The following HECW1 variants were observed in gnomAD, a reference collection of about 807,000 sequenced individuals.
The protein encoded by HECW1 is E3 ubiquitin-protein ligase HECW1.
In HECW1, 61 loss-of-function variants were observed where a neutral mutation model predicts 182.3. That is an observed-to-expected ratio of 0.33 (90% CI 0.27 to 0.41). The LOEUF is 0.41. Ranked by LOEUF, HECW1 falls within the 10% of genes least tolerant of loss-of-function variation. The pLI is 1.00. For synonymous variants in HECW1, 859 were observed against 832.6 expected (o/e 1.03, Z -0.55); for missense variants, 1,739 against 2,108.9 (o/e 0.82, Z 3.44).
At position 43,565,244 on chromosome 7, in the gene HECW1, G is replaced by A. The variant is rs767451694; in HGVS notation, c.*3318G>A. Reference sequence around the variant, plus strand: ...AATGAGTGGAGGTTGTGAAGATGCCGAGAGAGTGGTGAAAAAATTAAGAAA... The same window carrying A: ...AATGAGTGGAGGTTGTGAAGATGCCAAGAGAGTGGTGAAAAAATTAAGAAA... On this transcript the variant is annotated 3_prime_UTR_variant, in exon 30 of 30. Coordinates refer to ENST00000395891, the MANE Select transcript of HECW1 (RefSeq NM_015052.5). 7 of 203,320 alleles carry A rather than the reference G, an allele frequency of 3.4e-5. No individual in the cohort carries two copies. Among genetic ancestry groups the A allele is most frequent in the Non-Finnish European group, 7.1e-5 (7 of 99,094 alleles). 12.6% of individuals were successfully genotyped at this position (203,320 alleles called of 1,614,324 possible). A position where few individuals can be genotyped will look rare whatever the true frequency, so the allele number is the denominator to read the frequency against.
chr7:43,116,955 T>C (rs556167917), intron 2 of HECW1, among the ~76,000 whole-genome samples: 1 of 152,352 alleles, frequency 6.6e-6, no homozygotes, highest in East Asian at 1.9e-4. Flanking sequence ...AATAATTTAA[T>C]TTGGCAATAT....
intron 4 of HECW1, among the ~76,000 whole-genome samples, chr7:43,314,937 GTCACACA>G (rs1449732504): frequency 1.6e-4 from 24 of 152,308 alleles, no homozygotes; most frequent in African/African-American, 4.6e-4. Flanking sequence ...GGCTCCCACA[GTCACACA>G]GCTGCCTCCC....
chr7:43,212,688 A>C (rs1470839994), intron 2 of HECW1, among the ~76,000 whole-genome samples: 2 of 152,186 alleles, frequency 1.3e-5, no homozygotes, highest in African/African-American at 2.4e-5. Context: ...AAAATGGATA[A>C]ATATATTAGA....
At chr7:43,454,855 T>A (rs2077348751) in intron 12 of HECW1, among the ~76,000 whole-genome samples, 1 of 152,244 alleles carries the variant, frequency 6.6e-6, no homozygotes, top group East Asian at 1.9e-4. Context: ...AAAGGCTGGA[T>A]GGTTTTCCTC....
chr7:43,174,362 C>A (rs1792000722), intron 2 of HECW1, among the ~76,000 whole-genome samples: 1 of 152,180 alleles, frequency 6.6e-6, no homozygotes, highest in African/African-American at 2.4e-5. Context: ...TCAGAGCCAA[C>A]CAGCCAACTT....
At chr7:43,423,703 G>C (rs1365158563) in intron 8 of HECW1, among the ~76,000 whole-genome samples, 1 of 152,152 alleles carries the variant, frequency 6.6e-6, no homozygotes, top group Non-Finnish European at 1.5e-5. Context: ...CATGTGAGCT[G>C]ACAGCTCATG....
chr7:43,118,950 A>G (rs1043667216), intron 2 of HECW1: 1 of 152,226 alleles, frequency 6.6e-6, no homozygotes, highest in Admixed American at 6.5e-5. Flanking sequence ...TTTAAAGAAT[A>G]TGCTTCAAAA....
intron 3 of HECW1, among the ~76,000 whole-genome samples, chr7:43,282,100 G>T (rs1803994490): frequency 6.6e-6 from 1 of 152,216 alleles, no homozygotes; most frequent in Non-Finnish European, 1.5e-5. Flanking sequence ...CTGCTAGATT[G>T]AAGGACATGT....
At chr7:43,213,962 C>T (rs1315682896) in intron 2 of HECW1, among the ~76,000 whole-genome samples, 1 of 151,950 alleles carries the variant, frequency 6.6e-6, no homozygotes, top group African/African-American at 2.4e-5. Context: ...GGAAATTAAA[C>T]ATTTCATCAG....
At chr7:43,159,049 G>A (rs576647345) in intron 2 of HECW1, among the ~76,000 whole-genome samples, 13 of 152,272 alleles carry the variant, frequency 8.5e-5, no homozygotes, top group South Asian at 4.1e-4. Context: ...CTGGTCTAGG[G>A]ACCACAGCCT....
chr7:43,364,329 G>A (rs542703442), intron 6 of HECW1, among the ~76,000 whole-genome samples: 1 of 152,268 alleles, frequency 6.6e-6, no homozygotes, highest in East Asian at 1.9e-4. Flanking sequence ...TTTAAAAAGA[G>A]GTTGTCTTCT....
intron 24 of HECW1, among the ~76,000 whole-genome samples, chr7:43,526,889 G>A (rs934865243): frequency 2.6e-5 from 4 of 152,082 alleles, no homozygotes; most frequent in South Asian, 2.1e-4. Context: ...CCTGCTACTC[G>A]GGAGACTAAG....
chr7:43,445,019 A>G lies in HECW1; in HGVS notation c.1847A>G (p.Asp616Gly), dbSNP rs1354951845. The stretch of plus-strand genomic sequence containing the variant: ...GCTGACCCGTCTGCCCTGGAAGAGG[A>G]CAGAGAAGAGCCCGAGGGGGCTACT... ...VAADPSALEE[D>G]REEPEGATPG... The change falls in exon 11 of 30, where the codon GAC (aspartate) becomes GGC (glycine). Residue 616 changes from aspartate to glycine, a missense_variant. Asp to Gly is a moderately conservative substitution (Grantham distance 94, BLOSUM62 -1). Around this residue, in one of 5 missense-constraint regions of HECW1, gnomAD observed 971 missense variants for 1,029.1 expected, o/e 0.94. Coordinates refer to ENST00000395891, the MANE Select transcript of HECW1 (RefSeq NM_015052.5). 3.2e-6 allele frequency: 5 copies of G among 1,562,354 alleles called. No individual in the cohort carries two copies. The African/African-American group carries it at 5.4e-5, about 17-fold the overall frequency.
At position 43,492,158 on chromosome 7, in the gene HECW1, T is replaced by C. The variant is rs1421638624; in HGVS notation, c.3318T>C (p.His1106=). Residue 1106 remains histidine (H), a synonymous_variant, in exon 18 of 30, where the codon CAT becomes CAC. Transcript: ENST00000395891. ...TAGTAGCTGCTATTCGAAGCCAACA[T>C]CAACATGAGTCATTGCCACTGGGTA... ...HSLVAAIRSQ[H]QHESLPLAYN... 1 of 1,601,590 alleles carries C rather than the reference T, an allele frequency of 6.2e-7. No homozygotes were observed. The highest frequency in any genetic ancestry group is 8.5e-7 in the Non-Finnish European group (1 of 1,176,386).
intron 12 of HECW1, among the ~76,000 whole-genome samples, chr7:43,455,299 T>G (rs950478923): frequency 6.6e-6 from 1 of 152,204 alleles, no homozygotes; most frequent in African/African-American, 2.4e-5. Flanking sequence ...TATACACTGT[T>G]AATTAACAAC....
chr7:43,131,996 G>A (rs1025197905), intron 2 of HECW1, among the ~76,000 whole-genome samples: 5 of 152,190 alleles, frequency 3.3e-5, no homozygotes, highest in African/African-American at 1.2e-4. Flanking sequence ...CATCGAGTGG[G>A]GAAAATACCC....
intron 3 of HECW1, among the ~76,000 whole-genome samples, chr7:43,255,881 C>A (rs1374015401): frequency 3.9e-5 from 6 of 152,112 alleles, no homozygotes; most frequent in African/African-American, 1.4e-4. Context: ...AGTTAAGGAA[C>A]TAAAATGTGA....
chr7:43,221,479 A>G (rs1293922363), intron 2 of HECW1, among the ~76,000 whole-genome samples: 1 of 148,036 alleles, frequency 6.8e-6, no homozygotes, highest in Non-Finnish European at 1.5e-5. Context: ...TGTAATGCTA[A>G]GCCTTGTGCA....
intron 21 of HECW1, among the ~76,000 whole-genome samples, chr7:43,506,140 A>G (rs976332337): frequency 1.1e-4 from 16 of 152,200 alleles, no homozygotes; most frequent in African/African-American, 2.7e-4. Context: ...CTTATGATGC[A>G]AGGTCATCTA....
Sources: gnomAD v4.1 joint callset for allele counts (sites outside exome capture counted in the v4.1 genomes callset) on GRCh38, gnomAD v4.1.1 for gene constraint, gnomAD v4.1.1 regional missense constraint, MANE v1.5 for transcripts, NCBI Gene and HGNC (gene_info 2026-07-23, HGNC 2026-07-21) for gene names.